Variants in CRBN observed in about 807,000 individuals in gnomAD.
CRBN encodes cereblon.
CRBN carries 53 observed loss-of-function variants against 62.2 expected under a neutral mutation model. The ratio of observed to expected loss-of-function variants is 0.85; its 90% CI spans 0.68 to 1.07. CRBN has a LOEUF of 1.07. Among genes scored for constraint, CRBN ranks in the 50% least tolerant of loss-of-function variants. The probability of loss-of-function intolerance (pLI) is 0.00; values close to 1 mark genes in which losing one functional copy is unlikely to be tolerated. For missense variants in CRBN, 616 were observed against 531.1 expected, an observed-to-expected ratio of 1.16 and a Z score of -1.57; for synonymous variants, 208 against 176.1, an observed-to-expected ratio of 1.18 and a Z score of -1.43.
chr3:3,164,089 G>C (rs562749633), intron 5 of CRBN, among the ~76,000 whole-genome samples: 1 of 152,056 alleles, frequency 6.6e-6, no homozygotes, highest in Non-Finnish European at 1.5e-5. Context: ...CTCCACTGAC[G>C]AGCCCCTCCA....
chr3:3,151,499 T>C (rs895691368), intron 10 of CRBN, among the ~76,000 whole-genome samples: 5 of 42,900 alleles, frequency 1.2e-4, no homozygotes, highest in African/African-American at 2.8e-4. Context: ...AAAGTAAATA[T>C]TTATATTCTA....
intron 5 of CRBN, among the ~76,000 whole-genome samples, chr3:3,163,143 A>G (rs1707205677): frequency 6.6e-6 from 1 of 152,224 alleles, no homozygotes; most frequent in African/African-American, 2.4e-5. Flanking sequence ...TAGATCAGCT[A>G]GCGGTTTCTC....
At chr3:3,155,072 A>C (rs553219563) in intron 6 of CRBN, 82 of 537,522 alleles carry the variant, frequency 1.5e-4, no homozygotes, top group African/African-American at 1.3e-3. Flanking sequence ...ATATGCTCCC[A>C]ACTCCCTTGC....
At chr3:3,173,599 C>T (rs1409407057) in intron 3 of CRBN, among the ~76,000 whole-genome samples, 3 of 152,204 alleles carry the variant, frequency 2.0e-5, no homozygotes, top group Non-Finnish European at 1.5e-5. Flanking sequence ...CTGCCTCTAC[C>T]GCAGATTTCC....
intron 4 of CRBN, among the ~76,000 whole-genome samples, chr3:3,170,947 A>T (rs190974727): frequency 1.3e-5 from 2 of 152,196 alleles, no homozygotes; most frequent in African/African-American, 4.8e-5. Flanking sequence ...CTGGGATTAC[A>T]GTCATGCGCC....
intron 2 of CRBN, 80 bp downstream of exon 2, chr3:3,175,083 A>T (rs2126069276): frequency 2.1e-6 from 2 of 941,448 alleles, no homozygotes; most frequent in Non-Finnish European, 3.4e-6. Flanking sequence ...TAATACAAAT[A>T]TCAGTCACTT....
In CRBN at chr3:3,167,388, G is replaced by A. The variant is rs368331451; in HGVS notation, c.687+246C>T. ...TCCCATGGAATTAAAAATCAAAAGC[G>A]ATTAATATAGCTGATAAGCATAATA... On this transcript the variant is annotated intron_variant, in intron 5 of 10. Transcript: ENST00000231948. 9.6e-4 allele frequency: 366 copies of A among 380,058 alleles called. 4 individuals are homozygous for A. In the South Asian group the frequency reaches 0.011, roughly 11 times the overall value. 23.5% of individuals were successfully genotyped at this position (380,058 alleles called of 1,614,324 possible).
At chr3:3,156,449 T>A in intron 5 of CRBN, 168 bp from the exon 6 acceptor site, 1 of 629,972 alleles carries the variant, frequency 1.6e-6, no homozygotes, top group Middle Eastern at 4.2e-4. Flanking sequence ...AAGTGTGAAA[T>A]CATGCTTCCT....
chr3:3,171,314 A>T (rs1216207357), intron 4 of CRBN, among the ~76,000 whole-genome samples: 1 of 152,194 alleles, frequency 6.6e-6, no homozygotes, highest in Non-Finnish European at 1.5e-5. Flanking sequence ...TGAAGATAAG[A>T]AGTACTTTAA....
At chr3:3,158,181 G>C (rs560687512) in intron 5 of CRBN, among the ~76,000 whole-genome samples, 1 of 152,320 alleles carries the variant, frequency 6.6e-6, no homozygotes, top group South Asian at 2.1e-4. Flanking sequence ...TTTATCATTA[G>C]ATTCTCATAA....
chr3:3,159,028 T>G (rs549643536), intron 5 of CRBN, among the ~76,000 whole-genome samples: 1 of 152,328 alleles, frequency 6.6e-6, no homozygotes, highest in Admixed American at 6.5e-5. Flanking sequence ...TTGGCACTTC[T>G]TCCTGCCATC....
chr3:3,167,555 G>A, intron 5 of CRBN, 79 bp downstream of exon 5: 2 of 1,376,548 alleles, frequency 1.5e-6, no homozygotes, highest in Admixed American at 1.7e-5. Flanking sequence ...AATCATGAAA[G>A]TTGTGTTTCT....
At chr3:3,158,016 G>A (rs1706976275) in intron 5 of CRBN, among the ~76,000 whole-genome samples, 2 of 152,150 alleles carry the variant, frequency 1.3e-5, no homozygotes, top group Admixed American at 1.3e-4. Context: ...ATTCCTTAAT[G>A]AGAAACATTT....
At position 3,171,003 on chromosome 3, in the gene CRBN, C is replaced by A. The variant is rs554832408; in HGVS notation, c.527+1773G>T. Among the ~76,000 whole-genome samples the A allele has an allele frequency of 2.6e-5, 4 of 152,250 alleles. No homozygotes were observed. In the East Asian group the frequency reaches 7.7e-4, roughly 29 times the overall value. On this transcript the variant is annotated intron_variant, in intron 4 of 10. Transcript: ENST00000231948. ...TATTTTTAGTAGAGATGGGGTTTCT[C>A]CATGTTGGTCAGGCTGATCTCAAAC...
At chr3:3,152,033 A>G (rs1299878954) in intron 10 of CRBN, among the ~76,000 whole-genome samples, 1 of 152,240 alleles carries the variant, frequency 6.6e-6, no homozygotes, top group Non-Finnish European at 1.5e-5. Flanking sequence ...AACTGGATAC[A>G]GTAATCTGAG....
At chr3:3,158,316 A>G (rs1465953827) in intron 5 of CRBN, among the ~76,000 whole-genome samples, 2 of 152,084 alleles carry the variant, frequency 1.3e-5, no homozygotes, top group Non-Finnish European at 2.9e-5. Flanking sequence ...TTCACCACTC[A>G]CCACCGGCTG....
chr3:3,174,901 C>T (rs190259521), intron 2 of CRBN, among the ~76,000 whole-genome samples: 1 of 152,036 alleles, frequency 6.6e-6, no homozygotes, highest in Non-Finnish European at 1.5e-5. Context: ...CACTCTAGTA[C>T]CTAGAAGTAC....
chr3:3,175,070 T>C (rs1707776679), intron 2 of CRBN, 93 bp downstream of exon 2: 2 of 851,180 alleles, frequency 2.3e-6, no homozygotes, highest in African/African-American at 1.7e-5. Context: ...TTCTGATATC[T>C]AGTAATACAA....
intron 1 of CRBN, 44 bp downstream of exon 1, chr3:3,179,577 C>G: frequency 6.3e-7 from 1 of 1,590,228 alleles, no homozygotes; most frequent in Non-Finnish European, 8.6e-7. Context: ...CGGCTCCGAG[C>G]CTCGCCCCAC....
Sources: gnomAD v4.1 joint callset for allele counts (sites outside exome capture counted in the v4.1 genomes callset) on GRCh38, gnomAD v4.1.1 for gene constraint, MANE v1.5 for transcripts, NCBI Gene and HGNC (gene_info 2026-07-23, HGNC 2026-07-21) for gene names.